Variants in PARP16 observed in about 807,000 individuals in gnomAD.
PARP16 encodes poly(ADP-ribose) polymerase family member 16.
Under a neutral mutation model 35.0 loss-of-function variants are expected in PARP16, and 31 were observed. The ratio of observed to expected loss-of-function variants is 0.88; its 90% CI spans 0.66 to 1.19. The LOEUF (loss-of-function observed/expected upper bound fraction) is 1.19, where lower values mean the gene tolerates loss of function less well. Ranked by LOEUF, PARP16 falls within the 50% of genes most tolerant of loss-of-function variation. The pLI is 0.00. For synonymous variants in PARP16, 162 were observed against 169.5 expected, an observed-to-expected ratio of 0.96 and a Z score of 0.34; for missense variants, 424 against 411.2, an observed-to-expected ratio of 1.03 and a Z score of -0.27.
chr15:65,270,703 A>C (rs1375314345), intron 2 of PARP16, among the ~76,000 whole-genome samples: 1 of 152,168 alleles, frequency 6.6e-6, no homozygotes, highest in Non-Finnish European at 1.5e-5. Flanking sequence ...GTACCTACTC[A>C]AGGTCACACA....
At chr15:65,276,064 C>T (rs1443203592) in intron 1 of PARP16, among the ~76,000 whole-genome samples, 1 of 152,178 alleles carries the variant, frequency 6.6e-6, no homozygotes, top group African/African-American at 2.4e-5. Context: ...GGCCTCTTCC[C>T]GGCCCTCCTA....
At chr15:65,270,474 G>C (rs1438075081) in intron 2 of PARP16, among the ~76,000 whole-genome samples, 2 of 152,184 alleles carry the variant, frequency 1.3e-5, no homozygotes, top group African/African-American at 2.4e-5. Context: ...AACTAGGTCA[G>C]AGTTTCTTAA....
At chr15:65,283,407 A>T (rs2090480047) in intron 1 of PARP16, among the ~76,000 whole-genome samples, 2 of 152,088 alleles carry the variant, frequency 1.3e-5, no homozygotes, top group Non-Finnish European at 2.9e-5. Flanking sequence ...CCCCTGCCCA[A>T]GGATAAAAAT....
chr15:65,259,053 C>A lies in PARP16; in HGVS notation c.*354G>T. The stretch of plus-strand genomic sequence containing the variant: ...GCATTAGAGAAAGGGCCAACCTCTG[C>A]CAGGAGAGATTGTAAACACACCACT... On this transcript the variant is annotated 3_prime_UTR_variant, in exon 6 of 6. Transcript: ENST00000649807. 1 of 176,208 alleles carries A rather than the reference C, an allele frequency of 5.7e-6. No homozygotes were observed. Among genetic ancestry groups the A allele is most frequent in the East Asian group, 1.5e-4 (1 of 6,830 alleles). 10.9% of individuals were successfully genotyped at this position (176,208 alleles called of 1,614,324 possible). A position where few individuals can be genotyped will look rare whatever the true frequency, so the allele number is the denominator to read the frequency against.
chr15:65,255,743 G>GAAAAAAAAAAAAAAAAAAAAAAAA (rs56665485), downstream of PARP16, among the ~76,000 whole-genome samples: 1 of 57,160 alleles, frequency 1.7e-5, no homozygotes. Flanking sequence ...AGAAAACTCA[G>GAAAAAAAAAAAAAAAAAAAAAAAA]AAAAAAAAAA....
chr15:65,269,174 T>TCTCTCTC (rs60229565), intron 2 of PARP16, among the ~76,000 whole-genome samples: 3,508 of 146,814 alleles, frequency 0.024, 68 homozygotes, highest in African/African-American at 0.048. Context: ...TTTAGTCGGT[T>TCTCTCTC]TTTTTCTTTC....
At chr15:65,277,001 T>A (rs1197272338) in intron 1 of PARP16, among the ~76,000 whole-genome samples, 1 of 151,786 alleles carries the variant, frequency 6.6e-6, no homozygotes, top group Admixed American at 6.6e-5. Context: ...AAAAAAATTA[T>A]TGGTTGCTCA....
At chr15:65,247,536 A>G (rs920815439) in intron 3 of PARP16, among the ~76,000 whole-genome samples, 1 of 152,156 alleles carries the variant, frequency 6.6e-6, no homozygotes, top group Non-Finnish European at 1.5e-5. Flanking sequence ...ATTAATGATG[A>G]GGTGATCTAA....
chr15:65,240,064 A>G (rs893645341), intron 3 of PARP16, among the ~76,000 whole-genome samples: 1 of 146,038 alleles, frequency 6.8e-6, no homozygotes, highest in African/African-American at 2.6e-5. Context: ...CCTGGGCTCA[A>G]GCAATCCTCC....
chr15:65,237,133 A>C (rs1443209107), intron 3 of PARP16, among the ~76,000 whole-genome samples: 1 of 152,016 alleles, frequency 6.6e-6, no homozygotes, highest in Non-Finnish European at 1.5e-5. Context: ...AGGGCTGGGA[A>C]CCTCCTATCT....
rs1241392015 is a variant in PARP16 at position 65,263,330 on chromosome 15, C to T, written c.520-10G>A. ...CTCCGAACAAGGATGTCTGCAACAGCAAGGCCAATGGAAAAGAAACACAGA... is the reference window on the plus strand; with the variant it reads ...CTCCGAACAAGGATGTCTGCAACAGTAAGGCCAATGGAAAAGAAACACAGA... On this transcript the variant is annotated splice_polypyrimidine_tract_variant and intron_variant, in intron 3 of 5. Coordinates refer to ENST00000649807, the MANE Select transcript of PARP16 (RefSeq NM_001316943.2). 2 of 1,563,122 alleles carry T rather than the reference C, an allele frequency of 1.3e-6. No individual in the cohort carries two copies. The highest frequency in any genetic ancestry group is 1.7e-6 in the Non-Finnish European group (2 of 1,154,400).
At chr15:65,284,718 C>G (rs1037712869) in intron 1 of PARP16, among the ~76,000 whole-genome samples, 3 of 150,220 alleles carry the variant, frequency 2.0e-5, no homozygotes, top group Non-Finnish European at 4.4e-5. Flanking sequence ...CTGGGAATTA[C>G]TTATTCCCTC....
chr15:65,247,255 G>A (rs1421769877), intron 3 of PARP16, among the ~76,000 whole-genome samples: 1 of 152,058 alleles, frequency 6.6e-6, no homozygotes, highest in African/African-American at 2.4e-5. Flanking sequence ...TTGGCCTCCC[G>A]AAATGCTGGG....
chr15:65,254,165 T>C (rs1208912712), downstream of PARP16, among the ~76,000 whole-genome samples: 1 of 152,168 alleles, frequency 6.6e-6, no homozygotes, highest in Admixed American at 6.5e-5. Context: ...CCGTGGCTGA[T>C]ATAAAGTATT....
rs1400942614 is a variant in PARP16 at position 65,263,143 on chromosome 15, A to C, written c.691+6T>G. ...TAGCCCAGGTCTGGACCAAGTGCTC[A>C]CTCACCCTTCTTCTTGGTTTGGCAC... On this transcript the variant is annotated splice_donor_region_variant and intron_variant, in intron 4 of 5. Transcript: ENST00000649807. The C allele has an allele frequency of 1.2e-6, 2 of 1,612,794 alleles. No homozygotes were observed. Among genetic ancestry groups the C allele is most frequent in the Admixed American group, 1.7e-5 (1 of 59,872 alleles).
At chr15:65,249,144 T>C (rs2140767480) in intron 2 of PARP16, among the ~76,000 whole-genome samples, 1 of 152,346 alleles carries the variant, frequency 6.6e-6, no homozygotes, top group East Asian at 1.9e-4. Context: ...TCAGAGCCCC[T>C]AGCGTCATCC....
At chr15:65,280,550 A>G (rs950939822) in intron 1 of PARP16, among the ~76,000 whole-genome samples, 1 of 152,224 alleles carries the variant, frequency 6.6e-6, no homozygotes, top group African/African-American at 2.4e-5. Context: ...TGTTTATCAA[A>G]GTATTATTTA....
At chr15:65,278,976 T>C (rs1388576289) in intron 1 of PARP16, among the ~76,000 whole-genome samples, 1 of 152,038 alleles carries the variant, frequency 6.6e-6, no homozygotes, top group Non-Finnish European at 1.5e-5. Flanking sequence ...ACACCACAGG[T>C]ACAATTTGCT....
intron 1 of PARP16, among the ~76,000 whole-genome samples, chr15:65,272,089 C>A (rs1351534404): frequency 1.3e-5 from 2 of 152,214 alleles, no homozygotes; most frequent in African/African-American, 4.8e-5. Flanking sequence ...CTGCACCCAC[C>A]CCATGTGGAT....
Sources: allele counts gnomAD v4.1 joint callset (sites outside exome capture counted in the v4.1 genomes callset), GRCh38; gene constraint gnomAD v4.1.1; transcripts MANE v1.5; gene names NCBI Gene and HGNC (gene_info 2026-07-23, HGNC 2026-07-21).